GRM8: variants seen among roughly 807,000 people sequenced by gnomAD.
The protein encoded by GRM8 is metabotropic glutamate receptor 8.
A neutral mutation model predicts 87.2 loss-of-function variants in GRM8; 47 were observed. The ratio of observed to expected loss-of-function variants is 0.54; its 90% CI spans 0.43 to 0.69. The LOEUF is 0.69. Among genes scored for constraint, GRM8 ranks in the 30% least tolerant of loss-of-function variants. GRM8 has a pLI of 0.00. For synonymous variants in GRM8, 396 were observed against 404.5 expected (o/e 0.98, Z 0.25); for missense variants, 1,019 against 1,139.2 (o/e 0.89, Z 1.52).
chr7:126,579,556 C>T (rs1384739904), intron 8 of GRM8, among the ~76,000 whole-genome samples: 1 of 152,106 alleles, frequency 6.6e-6, no homozygotes, highest in Non-Finnish European at 1.5e-5. Context: ...GACAAGTAGG[C>T]TTTGCTCTGA....
chr7:126,777,650 A>G (rs758856856), intron 6 of GRM8, among the ~76,000 whole-genome samples: 4 of 152,216 alleles, frequency 2.6e-5, no homozygotes, highest in African/African-American at 9.6e-5. Flanking sequence ...GAGTCAAAAA[A>G]TATTATAAAA....
At chr7:126,962,184 A>C (rs1299956864) in intron 3 of GRM8, among the ~76,000 whole-genome samples, 1 of 152,234 alleles carries the variant, frequency 6.6e-6, no homozygotes, top group Non-Finnish European at 1.5e-5. Flanking sequence ...TAAGCAATAC[A>C]TTTTATATTT....
At chr7:126,680,697 T>C (rs1351236470) in intron 7 of GRM8, among the ~76,000 whole-genome samples, 1 of 152,240 alleles carries the variant, frequency 6.6e-6, no homozygotes, top group Admixed American at 6.5e-5. Flanking sequence ...CCTGGTGCAC[T>C]GCTGACTAAC....
At chr7:126,714,050 T>C (rs1332389271) in intron 7 of GRM8, among the ~76,000 whole-genome samples, 2 of 151,040 alleles carry the variant, frequency 1.3e-5, no homozygotes, top group South Asian at 2.1e-4. Context: ...GGCGGGCGGA[T>C]CACTTGAGGT....
chr7:126,971,249 T>C (rs998575949), intron 3 of GRM8, among the ~76,000 whole-genome samples: 1 of 147,706 alleles, frequency 6.8e-6, no homozygotes, highest in African/African-American at 2.5e-5. Flanking sequence ...TTGTACATCA[T>C]AAACACACAA....
intron 2 of GRM8, among the ~76,000 whole-genome samples, chr7:127,111,485 T>C (rs2133125835): frequency 6.6e-6 from 1 of 152,144 alleles, no homozygotes; most frequent in South Asian, 2.1e-4. Context: ...AAAGGATCCT[T>C]AAAGGGAGAA....
intron 3 of GRM8, among the ~76,000 whole-genome samples, chr7:127,015,288 G>A (rs961209871): frequency 6.6e-6 from 1 of 150,804 alleles, no homozygotes; most frequent in Non-Finnish European, 1.5e-5. Context: ...GAGAGAGAAT[G>A]AACATGAACC....
chr7:126,527,340 AGAGC>A (rs1277484560), intron 9 of GRM8, among the ~76,000 whole-genome samples: 1 of 152,240 alleles, frequency 6.6e-6, no homozygotes, highest in Non-Finnish European at 1.5e-5. Context: ...CCTGGGCAAC[AGAGC>A]GAGACTTCAT....
At chr7:127,112,477 T>C (rs1826431489) in intron 2 of GRM8, among the ~76,000 whole-genome samples, 1 of 152,222 alleles carries the variant, frequency 6.6e-6, no homozygotes. Flanking sequence ...CATGAGATAG[T>C]AGGTGTTCAA....
chr7:127,151,883 G>A (rs976457350), intron 2 of GRM8, among the ~76,000 whole-genome samples: 16 of 152,026 alleles, frequency 1.1e-4, no homozygotes, highest in African/African-American at 3.6e-4. Flanking sequence ...ATATTCTGAG[G>A]TTTTGTAGGT....
intron 2 of GRM8, among the ~76,000 whole-genome samples, chr7:127,116,778 A>T (rs1299978318): frequency 6.6e-6 from 1 of 152,258 alleles, no homozygotes; most frequent in Non-Finnish European, 1.5e-5. Context: ...GTCTACTGAC[A>T]GGTACTTAAT....
At chr7:126,822,880 T>C (rs888453225) in intron 6 of GRM8, among the ~76,000 whole-genome samples, 3 of 152,222 alleles carry the variant, frequency 2.0e-5, no homozygotes, top group Non-Finnish European at 4.4e-5. Flanking sequence ...CCCACATCAA[T>C]GCCTTCAACA....
chr7:126,693,490 G>A (rs960798561), intron 7 of GRM8, among the ~76,000 whole-genome samples: 32 of 152,076 alleles, frequency 2.1e-4, no homozygotes, highest in African/African-American at 6.8e-4. Flanking sequence ...CAGTTTATGT[G>A]TATTAGCATG....
chr7:126,754,078 T>C (rs1816740942), intron 7 of GRM8, among the ~76,000 whole-genome samples: 1 of 151,824 alleles, frequency 6.6e-6, no homozygotes, highest in African/African-American at 2.4e-5. Flanking sequence ...AAACCAAACA[T>C]TAGAAATGGA....
chr7:126,607,238 A>G (rs1798448431), intron 8 of GRM8, among the ~76,000 whole-genome samples: 1 of 152,220 alleles, frequency 6.6e-6, no homozygotes, highest in African/African-American at 2.4e-5. Context: ...AGCACCTAGA[A>G]GTAGTAAAGT....
intron 6 of GRM8, among the ~76,000 whole-genome samples, chr7:126,826,217 G>C (rs1218374335): frequency 6.6e-6 from 1 of 151,940 alleles, no homozygotes; most frequent in Non-Finnish European, 1.5e-5. Flanking sequence ...ATGATTTATA[G>C]TCCTTTGGGT....
At chr7:127,063,438 T>C (rs1208350413) in intron 3 of GRM8, among the ~76,000 whole-genome samples, 1 of 152,106 alleles carries the variant, frequency 6.6e-6, no homozygotes, top group Non-Finnish European at 1.5e-5. Flanking sequence ...TAGCCACTTG[T>C]GGTGGCAGGC....
At chr7:126,552,155 C>T (rs1400667997) in intron 8 of GRM8, among the ~76,000 whole-genome samples, 2 of 152,056 alleles carry the variant, frequency 1.3e-5, no homozygotes, top group African/African-American at 4.8e-5. Context: ...AATTTGTCCC[C>T]GATCACTTGA....
chr7:127,058,068 G>T, intron 3 of GRM8: 1 of 452,498 alleles, frequency 2.2e-6, no homozygotes, highest in Non-Finnish European at 4.6e-6. Context: ...AACCCTTCTG[G>T]AATCACGTCT....
Sources: allele counts gnomAD v4.1 joint callset (sites outside exome capture counted in the v4.1 genomes callset), GRCh38; gene constraint gnomAD v4.1.1; transcripts MANE v1.5; gene names NCBI Gene and HGNC (gene_info 2026-07-23, HGNC 2026-07-21).